Variants in RND1 observed in about 807,000 individuals in gnomAD.
RND1 encodes rho-related GTP-binding protein Rho6.
In RND1, 9 loss-of-function variants were observed where a neutral mutation model predicts 27.1. The ratio of observed to expected loss-of-function variants is 0.33; its 90% confidence interval spans 0.20 to 0.58. The LOEUF (loss-of-function observed/expected upper bound fraction) is 0.58, where lower values mean the gene tolerates loss of function less well. RND1 is among the 20% of genes least tolerant of loss of function. The pLI is 0.86. For missense variants in RND1, 253 were observed against 292.2 expected (o/e 0.87, Z 0.98); for synonymous variants, 108 against 115.7 (o/e 0.93, Z 0.43).
chr12:48,861,607 CCAG>C (rs568601772), intron 3 of RND1, among the ~76,000 whole-genome samples: 77 of 152,316 alleles, frequency 5.1e-4, no homozygotes, highest in Non-Finnish European at 6.9e-4. Context: ...GCATTTCATA[CCAG>C]CAGCTCAGCT....
intron 2 of RND1, among the ~76,000 whole-genome samples, chr12:48,864,246 C>T (rs1001685223): frequency 3.3e-5 from 5 of 152,134 alleles, no homozygotes; most frequent in African/African-American, 1.2e-4. Context: ...ACAGCAGTGG[C>T]CCAAGATGGA....
At chr12:48,865,621 C>T (rs766350505) in intron 1 of RND1, 27 bp downstream of exon 1, 1 of 1,597,172 alleles carries the variant, frequency 6.3e-7, no homozygotes, top group Admixed American at 1.7e-5. Flanking sequence ...GGAGAAAAGC[C>T]GGCCAGCGGG....
chr12:48,864,421 G>A (rs952234808), intron 2 of RND1, among the ~76,000 whole-genome samples: 9 of 147,752 alleles, frequency 6.1e-5, no homozygotes, highest in East Asian at 2.6e-4. Context: ...GTGTGTGCGC[G>A]CGCGCGCGTG....
At position 48,865,687 on chromosome 12, in the gene RND1, G is replaced by T; in HGVS notation, c.81C>A (p.Thr27=). The T allele has an allele frequency of 6.2e-7, 1 of 1,614,110 alleles. No individual in the cohort carries two copies. Among genetic ancestry groups the T allele is most frequent in the Admixed American group, 1.7e-5 (1 of 60,024 alleles). ...VLVGDVQCGK[T]AMLQVLAKDC... ...CCTTCGCTAACACTTGCAACATCGC[G>T]GTCTTCCCACACTGCACGTCCCCGA... The change falls in exon 1 of 5, where the codon ACC becomes ACA. Residue 27 remains threonine, a synonymous_variant. Coordinates refer to ENST00000309739, the MANE Select transcript of RND1 (RefSeq NM_014470.4).
intron 4 of RND1, chr12:48,859,066 C>T (rs1341987589): frequency 1.3e-5 from 2 of 149,978 alleles, no homozygotes; most frequent in African/African-American, 4.9e-5. Flanking sequence ...TCACACCATT[C>T]TCCTGCCTCA....
intron 2 of RND1, among the ~76,000 whole-genome samples, chr12:48,862,644 AC>A (rs915743453): frequency 6.6e-6 from 1 of 152,042 alleles, no homozygotes; most frequent in African/African-American, 2.4e-5. Flanking sequence ...CCACTTCTCC[AC>A]CCACCCAGAT....
intron 3 of RND1, 121 bp from the exon 4 acceptor site, chr12:48,861,252 C>A: frequency 2.1e-6 from 2 of 947,494 alleles, no homozygotes; most frequent in Non-Finnish European, 3.2e-6. Context: ...CATCACCAGC[C>A]CAGTCCTCCC....
chr12:48,864,191 C>A (rs1334433242), intron 2 of RND1, among the ~76,000 whole-genome samples: 3 of 152,020 alleles, frequency 2.0e-5, no homozygotes, highest in Non-Finnish European at 4.4e-5. Context: ...GCTTCATCCC[C>A]GAGCTGCAGC....
chr12:48,861,965 G>A, intron 3 of RND1, 44 bp downstream of exon 3: 1 of 1,117,518 alleles, frequency 8.9e-7, no homozygotes, highest in Admixed American at 1.7e-5. Context: ...TTCCTTCTTG[G>A]TCCTCATGCT....
intron 2 of RND1, among the ~76,000 whole-genome samples, chr12:48,862,893 A>G (rs1938934342): frequency 6.6e-6 from 1 of 152,108 alleles, no homozygotes; most frequent in African/African-American, 2.4e-5. Flanking sequence ...TGGAACCCAG[A>G]CAATCCGTGC....
chr12:48,860,981 T>A lies in RND1; in HGVS notation c.453+16A>T. ...CCTCACTCCACCCCACGACATGCAC[T>A]TGCATGCGCACACACCTGCTCATAG... On this transcript the variant is annotated intron_variant, in intron 4 of 4. Coordinates refer to ENST00000309739, the MANE Select transcript of RND1 (RefSeq NM_014470.4). The A allele has an allele frequency of 6.2e-7, 1 of 1,612,744 alleles. No homozygotes were observed. Among genetic ancestry groups the A allele is most frequent in the Non-Finnish European group, 8.5e-7 (1 of 1,180,010 alleles).
At chr12:48,861,265 T>A in intron 3 of RND1, 134 bp from the exon 4 acceptor site, 1 of 898,488 alleles carries the variant, frequency 1.1e-6, no homozygotes, top group Non-Finnish European at 1.7e-6. Context: ...GTCCTCCCTC[T>A]GAGTCACAGC....
Position 48,857,889 on chromosome 12 carries a change from T to C in RND1, c.*107A>G. On this transcript the variant is annotated 3_prime_UTR_variant, in exon 5 of 5. Coordinates refer to ENST00000309739, the MANE Select transcript of RND1 (RefSeq NM_014470.4). ...CTTCCAAGCCCTCACCGTGGCCATCTGAAAAACTCATGTCCAGTGTCCTAA... is the reference window on the plus strand; with the variant it reads ...CTTCCAAGCCCTCACCGTGGCCATCCGAAAAACTCATGTCCAGTGTCCTAA... 2 of 1,397,098 alleles carry C rather than the reference T, an allele frequency of 1.4e-6. No homozygotes were observed. Among genetic ancestry groups the C allele is most frequent in the Non-Finnish European group, 9.6e-7 (1 of 1,037,070 alleles). 86.5% of individuals were successfully genotyped at this position (1,397,098 alleles called of 1,614,324 possible). A position where few individuals can be genotyped will look rare whatever the true frequency, so the allele number is the denominator to read the frequency against.
At chr12:48,865,411 T>G (rs2453489) in intron 1 of RND1, 526,573 of 544,342 alleles carry the variant, frequency 0.97, 254,787 homozygotes, top group East Asian at 1. Flanking sequence ...ATCTGATGGG[T>G]CCTCTGGGTG....
At chr12:48,858,744 C>G (rs1391208247) in intron 4 of RND1, 1 of 152,898 alleles carries the variant, frequency 6.5e-6, no homozygotes, top group African/African-American at 2.4e-5. Context: ...TAAAAATTCA[C>G]TGGAAGTGGG....
chr12:48,863,519 A>C (rs1279296355), intron 2 of RND1, among the ~76,000 whole-genome samples: 2 of 152,128 alleles, frequency 1.3e-5, no homozygotes, highest in Admixed American at 1.3e-4. Flanking sequence ...ACAGCAGATG[A>C]AAAACCAAAA....
At chr12:48,860,424 T>G (rs1649766320) in intron 4 of RND1, among the ~76,000 whole-genome samples, 1 of 152,166 alleles carries the variant, frequency 6.6e-6, no homozygotes, top group Middle Eastern at 3.4e-3. Context: ...GGTCTCACTC[T>G]GTCACTCAGG....
chr12:48,859,148 T>C (rs1227872123), intron 4 of RND1: 8 of 151,266 alleles, frequency 5.3e-5, no homozygotes, highest in Admixed American at 2.6e-4. Flanking sequence ...TTAGTAGAGA[T>C]GGTGTTTCAC....
intron 2 of RND1, 60 bp downstream of exon 2, chr12:48,864,723 C>G: frequency 8.2e-7 from 1 of 1,224,458 alleles, no homozygotes; most frequent in Non-Finnish European, 1.2e-6. Context: ...TTCTAAAAGA[C>G]AGCAGCTACA....
Sources: allele counts gnomAD v4.1 joint callset (sites outside exome capture counted in the v4.1 genomes callset), GRCh38; gene constraint gnomAD v4.1.1; transcripts MANE v1.5; gene names NCBI Gene and HGNC (gene_info 2026-07-23, HGNC 2026-07-21).